Variants in NRXN3 observed in about 807,000 individuals in gnomAD.
NRXN3 encodes the protein neurexin 3.
In NRXN3, 32 loss-of-function variants were observed where a neutral mutation model predicts 137.6. That is an observed-to-expected ratio of 0.23 (90% confidence interval 0.18 to 0.31). NRXN3 has a LOEUF of 0.31. NRXN3 is among the 10% of genes least tolerant of loss of function. The probability of loss-of-function intolerance (pLI) is 1.00; values close to 1 mark genes in which losing one functional copy is unlikely to be tolerated. For synonymous variants in NRXN3, 798 were observed against 784.5 expected (o/e 1.02, Z -0.29); for missense variants, 1,574 against 2,062.5 (o/e 0.76, Z 4.59).
At chr14:79,524,757 A>G (rs996867950) in intron 16 of NRXN3, among the ~76,000 whole-genome samples, 1 of 152,220 alleles carries the variant, frequency 6.6e-6, no homozygotes, top group Non-Finnish European at 1.5e-5. Flanking sequence ...TTTAATGTGT[A>G]TACACAGGAG....
chr14:78,363,044 C>T (rs1207483674), intron 4 of NRXN3, among the ~76,000 whole-genome samples: 1 of 152,208 alleles, frequency 6.6e-6, no homozygotes, highest in Non-Finnish European at 1.5e-5. Flanking sequence ...TGCCAGGCCT[C>T]CTGTCTTCCT....
At chr14:79,639,674 G>A (rs1362627424) in intron 16 of NRXN3, among the ~76,000 whole-genome samples, 1 of 152,120 alleles carries the variant, frequency 6.6e-6, no homozygotes, top group East Asian at 1.9e-4. Context: ...CAAATTGAGG[G>A]CCAACCTCTT....
intron 16 of NRXN3, among the ~76,000 whole-genome samples, chr14:79,654,230 C>T (rs2098493065): frequency 6.6e-6 from 1 of 151,938 alleles, no homozygotes; most frequent in Non-Finnish European, 1.5e-5. Flanking sequence ...TTGATCCTCT[C>T]ACCCTATTTG....
At chr14:79,831,248 A>G (rs958091940) in intron 20 of NRXN3, among the ~76,000 whole-genome samples, 1 of 152,182 alleles carries the variant, frequency 6.6e-6, no homozygotes, top group Admixed American at 6.5e-5. Context: ...AGAACTGCAG[A>G]CCTATTGCCA....
intron 6 of NRXN3, among the ~76,000 whole-genome samples, chr14:78,679,625 T>G (rs960406749): frequency 7.9e-5 from 12 of 152,118 alleles, no homozygotes; most frequent in African/African-American, 2.9e-4. Context: ...CAGCTTTGCT[T>G]CCTTTATTTG....
intron 4 of NRXN3, among the ~76,000 whole-genome samples, chr14:78,528,453 G>A (rs1366195325): frequency 6.6e-6 from 1 of 152,184 alleles, no homozygotes; most frequent in Non-Finnish European, 1.5e-5. Context: ...TGTAGTGCGG[G>A]ATGGTTGTTT....
intron 17 of NRXN3, among the ~76,000 whole-genome samples, chr14:79,677,353 C>A (rs551739473): frequency 6.6e-6 from 1 of 151,930 alleles, no homozygotes; most frequent in Non-Finnish European, 1.5e-5. Context: ...GTTTAGAAAT[C>A]TTATTACTTC....
chr14:79,638,834 A>C (rs548591136), intron 16 of NRXN3, among the ~76,000 whole-genome samples: 1 of 152,312 alleles, frequency 6.6e-6, no homozygotes, highest in East Asian at 1.9e-4. Flanking sequence ...GCTGAGGCTT[A>C]CCCATGCCAT....
At chr14:78,643,515 A>G (rs1414793376) in intron 4 of NRXN3, among the ~76,000 whole-genome samples, 3 of 152,248 alleles carry the variant, frequency 2.0e-5, no homozygotes, top group Admixed American at 1.3e-4. Flanking sequence ...GATCGAATCA[A>G]CAAATAATTA....
At chr14:78,843,269 C>T (rs567453876) in intron 10 of NRXN3, among the ~76,000 whole-genome samples, 1 of 152,250 alleles carries the variant, frequency 6.6e-6, no homozygotes, top group Admixed American at 6.5e-5. Flanking sequence ...CTGGTCCCTC[C>T]ATTCGGGGTC....
intron 2 of NRXN3, among the ~76,000 whole-genome samples, chr14:78,248,292 A>ACCCCCCCCCCCCCCCCC (rs2067993284): frequency 1.5e-4 from 1 of 6,686 alleles, no homozygotes; most frequent in African/African-American, 5.5e-4. Context: ...GTGACTAGCC[A>ACCCCCCCCCCCCCCCCC]CCGCCCCCCG....
chr14:79,564,412 C>A (rs565973086), intron 16 of NRXN3, among the ~76,000 whole-genome samples: 1 of 152,162 alleles, frequency 6.6e-6, no homozygotes, highest in African/African-American at 2.4e-5. Context: ...ATCTAATACC[C>A]AAGGTAGGGT....
At chr14:79,166,643 T>C (rs1448943515) in intron 15 of NRXN3, among the ~76,000 whole-genome samples, 1 of 151,664 alleles carries the variant, frequency 6.6e-6, no homozygotes, top group East Asian at 1.9e-4. Flanking sequence ...CAAGGATTAG[T>C]AAGATGGGCA....
chr14:79,372,359 C>G (rs1291568517), intron 15 of NRXN3, among the ~76,000 whole-genome samples: 1 of 152,152 alleles, frequency 6.6e-6, no homozygotes, highest in Non-Finnish European at 1.5e-5. Context: ...CTGTATAATA[C>G]ATTTTGTCAT....
intron 16 of NRXN3, among the ~76,000 whole-genome samples, chr14:79,662,747 G>A (rs1384752376): frequency 3.3e-5 from 5 of 152,050 alleles, no homozygotes; most frequent in Non-Finnish European, 5.9e-5. Flanking sequence ...GACAGGAGCA[G>A]GAACAAGAGA....
intron 16 of NRXN3, among the ~76,000 whole-genome samples, chr14:79,623,849 G>GTT (rs571687023): frequency 0.12 from 11,970 of 97,888 alleles, 1,007 homozygotes; most frequent in African/African-American, 0.22. Context: ...CTTAGCTCCT[G>GTT]TTTTTTTTTT....
chr14:78,315,184 G>A (rs977074350), intron 4 of NRXN3, among the ~76,000 whole-genome samples: 1 of 151,704 alleles, frequency 6.6e-6, no homozygotes, highest in Non-Finnish European at 1.5e-5. Flanking sequence ...TGTATTTTTA[G>A]TAGAGACCCT....
At chr14:79,383,748 G>A (rs975694289) in intron 15 of NRXN3, among the ~76,000 whole-genome samples, 1 of 152,130 alleles carries the variant, frequency 6.6e-6, no homozygotes, top group African/African-American at 2.4e-5. Context: ...TCAGAAGGAA[G>A]CTGTCTCAAA....
chr14:78,683,712 G>T (rs1053554436), intron 6 of NRXN3, among the ~76,000 whole-genome samples: 1 of 152,194 alleles, frequency 6.6e-6, no homozygotes, highest in African/African-American at 2.4e-5. Flanking sequence ...TGGGGACCAA[G>T]TTGTTGAGAA....
Sources: gnomAD v4.1 joint callset for allele counts (sites outside exome capture counted in the v4.1 genomes callset) on GRCh38, gnomAD v4.1.1 for gene constraint, MANE v1.5 for transcripts, NCBI Gene and HGNC (gene_info 2026-07-23, HGNC 2026-07-21) for gene names.